Variants in NOL4 observed in about 807,000 individuals in gnomAD.
NOL4 encodes the protein nucleolar protein 4.
NOL4 carries 17 observed loss-of-function variants against 75.9 expected under a neutral mutation model. That is an observed-to-expected ratio of 0.22 (90% CI 0.15 to 0.34). The LOEUF (loss-of-function observed/expected upper bound fraction) is 0.34, where lower values mean the gene tolerates loss of function less well. NOL4 is among the 10% of genes least tolerant of loss of function. NOL4 has a pLI of 1.00. For synonymous variants in NOL4, 292 were observed against 289.9 expected (o/e 1.01, Z -0.07); for missense variants, 614 against 793.5 (o/e 0.77, Z 2.72).
chr18:34,143,801 G>T (rs1024800126), intron 1 of NOL4, among the ~76,000 whole-genome samples: 1 of 147,064 alleles, frequency 6.8e-6, no homozygotes, highest in Non-Finnish European at 1.5e-5. Flanking sequence ...GGGAGTGGAG[G>T]TTGCAGTGAG....
At chr18:34,081,204 A>G (rs1322216508) in intron 5 of NOL4, among the ~76,000 whole-genome samples, 1 of 152,122 alleles carries the variant, frequency 6.6e-6, no homozygotes, top group Non-Finnish European at 1.5e-5. Context: ...AATGAATGTT[A>G]TTGGTCTAGT....
intron 1 of NOL4, among the ~76,000 whole-genome samples, chr18:34,214,016 T>C (rs939524619): frequency 3.9e-5 from 6 of 152,220 alleles, no homozygotes; most frequent in Non-Finnish European, 8.8e-5. Flanking sequence ...GAAATCTTTG[T>C]AGTTGTGAAT....
At chr18:33,890,388 T>C (rs2065023723) in intron 9 of NOL4, among the ~76,000 whole-genome samples, 1 of 152,106 alleles carries the variant, frequency 6.6e-6, no homozygotes, top group African/African-American at 2.4e-5. Context: ...CACAAACAAA[T>C]GGAATAACAT....
At chr18:34,087,279 C>T (rs537237502) in intron 5 of NOL4, among the ~76,000 whole-genome samples, 2 of 152,152 alleles carry the variant, frequency 1.3e-5, no homozygotes, top group South Asian at 4.1e-4. Flanking sequence ...AAGTGAAACT[C>T]CAACAGTTAT....
intron 6 of NOL4, among the ~76,000 whole-genome samples, chr18:33,988,166 A>C (rs953893331): frequency 1.3e-5 from 2 of 152,046 alleles, no homozygotes; most frequent in Non-Finnish European, 2.9e-5. Context: ...AAAAAGAAAA[A>C]CACTGTCATA....
At chr18:33,915,165 C>T (rs1455534120) in intron 9 of NOL4, among the ~76,000 whole-genome samples, 1 of 152,092 alleles carries the variant, frequency 6.6e-6, no homozygotes, top group Non-Finnish European at 1.5e-5. Flanking sequence ...CCTGATAGTG[C>T]AAGTAAGACG....
At chr18:33,882,008 A>G (rs1391526174) in intron 10 of NOL4, among the ~76,000 whole-genome samples, 1 of 152,220 alleles carries the variant, frequency 6.6e-6, no homozygotes, top group Non-Finnish European at 1.5e-5. Flanking sequence ...CCATATGTAG[A>G]AAGCTGAAAC....
chr18:34,173,308 A>G (rs1449246797), intron 1 of NOL4, among the ~76,000 whole-genome samples: 1 of 152,110 alleles, frequency 6.6e-6, no homozygotes, highest in African/African-American at 2.4e-5. Flanking sequence ...GAAGTTCTAT[A>G]GATCTAATGT....
At chr18:34,136,686 T>C (rs1427503634) in intron 1 of NOL4, among the ~76,000 whole-genome samples, 1 of 152,116 alleles carries the variant, frequency 6.6e-6, no homozygotes. Flanking sequence ...AAATATTTAA[T>C]ATGAGCTAAA....
chr18:33,892,308 G>C (rs1204252172), intron 9 of NOL4, among the ~76,000 whole-genome samples: 1 of 152,050 alleles, frequency 6.6e-6, no homozygotes, highest in African/African-American at 2.4e-5. Context: ...GAATGTGCCT[G>C]TAGTCCTAGC....
rs534697971 is a variant in NOL4 at position 33,852,820 on chromosome 18, G to A, written c.*22C>T. 1.3e-6 allele frequency: 2 copies of A among 1,597,660 alleles called. No individual in the cohort carries two copies. The highest frequency in any genetic ancestry group is 2.7e-5 in the African/African-American group (2 of 74,592). Reference sequence around the variant, plus strand: ...GTGGAAACTGCAAATTTAGACCTCAGTGAATATGGTGGTCGTCTGTCTCAG... The same window carrying A: ...GTGGAAACTGCAAATTTAGACCTCAATGAATATGGTGGTCGTCTGTCTCAG... On this transcript the variant is annotated 3_prime_UTR_variant, in exon 11 of 11. Transcript: ENST00000261592.
rs200229093 is a variant in NOL4 at position 34,075,852 on chromosome 18, A to AAT, written c.772+17611_772+17612dup. Among the ~76,000 whole-genome samples the AAT allele has an allele frequency of 3.4e-3, 512 of 152,174 alleles. 13 individuals carry two copies. In the East Asian group the frequency reaches 0.04, roughly 12 times the overall value. On this transcript the variant is annotated intron_variant, in intron 5 of 10. Coordinates refer to ENST00000261592, the MANE Select transcript of NOL4 (RefSeq NM_003787.5). ...ATTTTTGTATATGAGTTGTATGTGA[A>AAT]ATATATATATATTTCCATAAAAGCA...
intron 5 of NOL4, among the ~76,000 whole-genome samples, chr18:34,073,796 T>C (rs2145296203): frequency 6.6e-6 from 1 of 152,076 alleles, no homozygotes; most frequent in South Asian, 2.1e-4. Context: ...AAACTAGGCA[T>C]TTGTTTCTTC....
At chr18:33,976,713 T>A (rs2145930383) in intron 6 of NOL4, among the ~76,000 whole-genome samples, 1 of 152,332 alleles carries the variant, frequency 6.6e-6, no homozygotes, top group Non-Finnish European at 1.5e-5. Context: ...TTTATAGAAC[T>A]ACATTTTTCT....
intron 1 of NOL4, among the ~76,000 whole-genome samples, chr18:34,176,546 T>A (rs1292240441): frequency 6.6e-6 from 1 of 152,054 alleles, no homozygotes; most frequent in Non-Finnish European, 1.5e-5. Context: ...GTTGAAGCCC[T>A]AACCAAATAT....
chr18:34,120,138 T>C (rs1413989795), intron 2 of NOL4, among the ~76,000 whole-genome samples: 3 of 152,194 alleles, frequency 2.0e-5, no homozygotes, highest in African/African-American at 7.2e-5. Context: ...AGTCTGAAGG[T>C]AATTTTAACT....
intron 9 of NOL4, among the ~76,000 whole-genome samples, chr18:33,941,908 T>C (rs1197598850): frequency 6.6e-6 from 1 of 151,972 alleles, no homozygotes; most frequent in Non-Finnish European, 1.5e-5. Context: ...AGGGCACATA[T>C]ATGTGAATCA....
intron 10 of NOL4, among the ~76,000 whole-genome samples, chr18:33,863,909 G>C (rs145614249): frequency 7.4e-4 from 113 of 152,286 alleles, no homozygotes; most frequent in African/African-American, 2.7e-3. Context: ...CCAAAATCTA[G>C]GCAGAGGTTC....
At chr18:34,173,946 T>A (rs1019336945) in intron 1 of NOL4, among the ~76,000 whole-genome samples, 2 of 152,210 alleles carry the variant, frequency 1.3e-5, no homozygotes, top group Non-Finnish European at 2.9e-5. Context: ...TATTAACTAC[T>A]TTCTCATTTA....
Sources: gnomAD v4.1 joint callset for allele counts (sites outside exome capture counted in the v4.1 genomes callset) on GRCh38, gnomAD v4.1.1 for gene constraint, MANE v1.5 for transcripts, NCBI Gene and HGNC (gene_info 2026-07-23, HGNC 2026-07-21) for gene names.